Variants in CRTAC1 observed in about 807,000 individuals in gnomAD.
The protein encoded by CRTAC1 is acidic secreted protein in cartilage.
CRTAC1 carries 37 observed loss-of-function variants against 67.8 expected under a neutral mutation model. The observed-to-expected ratio is 0.55, with a 90% CI of 0.42 to 0.72. CRTAC1 has a LOEUF of 0.72. Ranked by LOEUF, CRTAC1 falls within the 30% of genes least tolerant of loss-of-function variation. The pLI is 0.00. For missense variants in CRTAC1, 780 were observed against 931.6 expected, an observed-to-expected ratio of 0.84 and a Z score of 2.12; for synonymous variants, 348 against 371.0, an observed-to-expected ratio of 0.94 and a Z score of 0.71.
At position 97,939,210 on chromosome 10, in the gene CRTAC1, C is replaced by G. The variant is rs539867717; in HGVS notation, c.225-2844G>C. Among the ~76,000 whole-genome samples, 23 of 152,312 alleles carry G rather than the reference C, an allele frequency of 1.5e-4. No individual in the cohort carries two copies. In the South Asian group the frequency reaches 4.6e-3, roughly 30 times the overall value. ...CCTCACATATTGGAGTCCAGTCCTT[C>G]TACCCTGAATCTGGAGTAGCTGGGG... On this transcript the variant is annotated intron_variant, in intron 2 of 14. Transcript: ENST00000370597.
chr10:97,886,697 T>C (rs2050291047), intron 11 of CRTAC1, among the ~76,000 whole-genome samples: 1 of 147,044 alleles, frequency 6.8e-6, no homozygotes, highest in African/African-American at 2.5e-5. Flanking sequence ...CAGGCTGGAG[T>C]GTGGTGGTGG....
At chr10:97,943,014 G>C (rs7478231) in intron 2 of CRTAC1, among the ~76,000 whole-genome samples, 4,422 of 152,152 alleles carry the variant, frequency 0.029, 209 homozygotes, top group African/African-American at 0.097. Context: ...CGAGACTGTG[G>C]TGAGCTGTGA....
chr10:97,882,194 G>A (rs1015276065), intron 13 of CRTAC1, among the ~76,000 whole-genome samples: 1 of 152,210 alleles, frequency 6.6e-6, no homozygotes, highest in Non-Finnish European at 1.5e-5. Flanking sequence ...GGGATGGAAA[G>A]TGTTGGGGGT....
At chr10:97,906,130 C>G (rs1042216568) in intron 6 of CRTAC1, among the ~76,000 whole-genome samples, 28 of 152,094 alleles carry the variant, frequency 1.8e-4, no homozygotes, top group African/African-American at 6.8e-4. Flanking sequence ...CCCTGAGAAC[C>G]CTGGAGGCTG....
chr10:97,948,524 G>A (rs2051300010), intron 2 of CRTAC1, among the ~76,000 whole-genome samples: 1 of 152,158 alleles, frequency 6.6e-6, no homozygotes, highest in Non-Finnish European at 1.5e-5. Flanking sequence ...GCATGTTTGT[G>A]AGCAAGAGGA....
At chr10:97,902,612 G>C (rs975237148) in intron 7 of CRTAC1, among the ~76,000 whole-genome samples, 2 of 152,154 alleles carry the variant, frequency 1.3e-5, no homozygotes, top group Non-Finnish European at 2.9e-5. Context: ...ATTTCTGAGC[G>C]TAATATCCTC....
At chr10:97,982,486 C>A (rs2051907297) in intron 2 of CRTAC1, among the ~76,000 whole-genome samples, 1 of 152,280 alleles carries the variant, frequency 6.6e-6, no homozygotes, top group South Asian at 2.1e-4. Context: ...TCATCAAGCT[C>A]AAAAATGCTG....
chr10:97,969,334 T>C (rs1378249270), intron 2 of CRTAC1, among the ~76,000 whole-genome samples: 1 of 151,978 alleles, frequency 6.6e-6, no homozygotes. Context: ...TGATGCTCCA[T>C]CCCCTCCCAG....
chr10:98,011,031 G>T, intron 2 of CRTAC1, 107 bp downstream of exon 2: 1 of 965,038 alleles, frequency 1.0e-6, no homozygotes, highest in Non-Finnish European at 1.6e-6. Context: ...AGACCTATGA[G>T]TGAGAACGTA....
At chr10:97,925,823 T>G (rs960982682) in intron 3 of CRTAC1, among the ~76,000 whole-genome samples, 1 of 151,954 alleles carries the variant, frequency 6.6e-6, no homozygotes, top group Non-Finnish European at 1.5e-5. Flanking sequence ...CGGATGAGCG[T>G]GAGTACTTGT....
chr10:97,991,490 C>T (rs2477673), intron 2 of CRTAC1, among the ~76,000 whole-genome samples: 71,033 of 151,184 alleles, frequency 0.47, 17,642 homozygotes, highest in African/African-American at 0.64. Flanking sequence ...TTTATCCCCC[C>T]GATAAAAAGA....
At chr10:97,982,745 C>T (rs1036251776) in intron 2 of CRTAC1, among the ~76,000 whole-genome samples, 2 of 152,058 alleles carry the variant, frequency 1.3e-5, no homozygotes, top group Non-Finnish European at 2.9e-5. Flanking sequence ...CAGGTACTGG[C>T]CAACTGAAAA....
At chr10:97,933,307 C>T (rs528376554) in intron 3 of CRTAC1, among the ~76,000 whole-genome samples, 50 of 152,382 alleles carry the variant, frequency 3.3e-4, no homozygotes, top group Non-Finnish European at 5.9e-4. Flanking sequence ...TGTTGCCTCA[C>T]CCCCACCCTG....
At chr10:98,028,137 C>T (rs1175575237) in intron 1 of CRTAC1, among the ~76,000 whole-genome samples, 1 of 152,130 alleles carries the variant, frequency 6.6e-6, no homozygotes, top group Non-Finnish European at 1.5e-5. Flanking sequence ...GAGGGTGGGG[C>T]TGTGTACCAG....
At chr10:97,889,725 C>T (rs542685316) in intron 11 of CRTAC1, among the ~76,000 whole-genome samples, 5 of 152,240 alleles carry the variant, frequency 3.3e-5, no homozygotes, top group East Asian at 3.9e-4. Flanking sequence ...CTCACACATG[C>T]GCACTGCACC....
chr10:97,891,964 CAG>C (rs2050381023), intron 11 of CRTAC1, among the ~76,000 whole-genome samples: 2 of 152,220 alleles, frequency 1.3e-5, no homozygotes, highest in Admixed American at 6.5e-5. Context: ...ACCCTGTCAA[CAG>C]AGAGAGGAGT....
rs1282092401 is a variant in CRTAC1 at position 97,895,759 on chromosome 10, A to T, written c.1317+126T>A. On this transcript the variant is annotated intron_variant, in intron 10 of 14. Transcript: ENST00000370597. This position sits in a 1 kb window ranked among gnomAD's most constrained non-coding sequence, Gnocchi z 4.2. ...CTGCTGGAATTTACTTCCCTCCTCC[A>T]GGGCCCGGGACTTCCATTACCCACC... is the stretch of plus-strand genomic sequence containing the variant. 3 of 731,914 alleles carry T rather than the reference A, an allele frequency of 4.1e-6. No individual in the cohort carries two copies. The allele number at this position is 731,914 out of a possible 1,614,324, so 45.3% of individuals were successfully genotyped here.
At chr10:97,957,217 T>C (rs2051455204) in intron 2 of CRTAC1, among the ~76,000 whole-genome samples, 1 of 152,122 alleles carries the variant, frequency 6.6e-6, no homozygotes, top group South Asian at 2.1e-4. Flanking sequence ...GCAGTCTCTC[T>C]GGAGAGGGTA....
At chr10:97,876,195 G>T (rs1250675422) in intron 14 of CRTAC1, among the ~76,000 whole-genome samples, 2 of 152,190 alleles carry the variant, frequency 1.3e-5, no homozygotes, top group Non-Finnish European at 2.9e-5. Flanking sequence ...GAGAGTGCCA[G>T]CTGACAGCCA....
Sources: gnomAD v4.1 joint callset for allele counts (sites outside exome capture counted in the v4.1 genomes callset) on GRCh38, gnomAD v4.1.1 for gene constraint, Gnocchi (gnomAD v3.1) non-coding constraint, MANE v1.5 for transcripts, NCBI Gene and HGNC (gene_info 2026-07-23, HGNC 2026-07-21) for gene names.